The following CNTN5 variants were observed in gnomAD, a reference collection of about 807,000 sequenced individuals.
The protein encoded by CNTN5 is contactin-5.
A neutral mutation model predicts 129.1 loss-of-function variants in CNTN5; 77 were observed. The observed-to-expected ratio is 0.60, with a 90% CI of 0.50 to 0.72. The LOEUF (loss-of-function observed/expected upper bound fraction) is 0.72, where lower values mean the gene tolerates loss of function less well. Ranked by LOEUF, CNTN5 falls within the 30% of genes least tolerant of loss-of-function variation. The pLI, the probability that CNTN5 is intolerant of heterozygous loss-of-function variation, is 0.00. For synonymous variants in CNTN5, 509 were observed against 465.6 expected (o/e 1.09, Z -1.20); for missense variants, 1,478 against 1,328.8 (o/e 1.11, Z -1.75).
intron 2 of CNTN5, among the ~76,000 whole-genome samples, chr11:99,492,437 T>C (rs1253821265): frequency 2.0e-5 from 3 of 152,222 alleles, no homozygotes; most frequent in African/African-American, 7.2e-5. Context: ...CAGCATTCTT[T>C]TTTCTTTGTA....
chr11:99,832,183 T>TA (rs903859466), intron 4 of CNTN5, among the ~76,000 whole-genome samples: 17 of 151,324 alleles, frequency 1.1e-4, no homozygotes, highest in East Asian at 3.9e-4. Flanking sequence ...TTCCATAGTC[T>TA]AAAAAAAAAT....
At chr11:99,122,602 T>C (rs1858401303) in intron 1 of CNTN5, among the ~76,000 whole-genome samples, 1 of 152,122 alleles carries the variant, frequency 6.6e-6, no homozygotes, top group Non-Finnish European at 1.5e-5. Flanking sequence ...ATAAGTAAAC[T>C]ACCTGTCACT....
intron 3 of CNTN5, among the ~76,000 whole-genome samples, chr11:99,617,924 A>T (rs1379365931): frequency 1.3e-5 from 2 of 152,286 alleles, no homozygotes; most frequent in South Asian, 2.1e-4. Flanking sequence ...TAGAGAACAT[A>T]TTACTCAACA....
At chr11:99,940,098 G>C (rs1370205627) in intron 7 of CNTN5, among the ~76,000 whole-genome samples, 1 of 152,068 alleles carries the variant, frequency 6.6e-6, no homozygotes, top group Admixed American at 6.6e-5. Flanking sequence ...GGAGCAGCAG[G>C]ATGCTATCAG....
intron 13 of CNTN5, among the ~76,000 whole-genome samples, chr11:100,174,890 T>C (rs1947916865): frequency 6.6e-6 from 1 of 152,142 alleles, no homozygotes; most frequent in African/African-American, 2.4e-5. Flanking sequence ...CCAAGTGCTG[T>C]CATCCTTGTC....
At chr11:100,086,459 AATAAAT>A (rs1216054449) in intron 13 of CNTN5, among the ~76,000 whole-genome samples, 2 of 150,500 alleles carry the variant, frequency 1.3e-5, no homozygotes, top group African/African-American at 2.4e-5. Flanking sequence ...TAGTTAAAAA[AATAAAT>A]ATAATGAAAA....
chr11:99,910,239 C>T (rs1357685606), intron 6 of CNTN5, among the ~76,000 whole-genome samples: 2 of 151,980 alleles, frequency 1.3e-5, no homozygotes, highest in African/African-American at 4.8e-5. Context: ...TGATCACAGA[C>T]CCACAAGTTT....
intron 1 of CNTN5, among the ~76,000 whole-genome samples, chr11:99,044,837 C>T (rs1168218975): frequency 2.0e-5 from 3 of 152,118 alleles, no homozygotes; most frequent in East Asian, 1.9e-4. Context: ...AAATTTTACA[C>T]GGTCTCTCTA....
intron 13 of CNTN5, among the ~76,000 whole-genome samples, chr11:100,170,667 C>T (rs1157483922): frequency 2.6e-5 from 4 of 151,874 alleles, no homozygotes; most frequent in Non-Finnish European, 5.9e-5. Context: ...TATATTCTTG[C>T]GTGTCATCCA....
intron 18 of CNTN5, among the ~76,000 whole-genome samples, chr11:100,280,205 T>G (rs1950605862): frequency 6.6e-6 from 1 of 151,968 alleles, no homozygotes. Flanking sequence ...TGGTCCACAT[T>G]GTAAATTAAA....
intron 1 of CNTN5, among the ~76,000 whole-genome samples, chr11:99,312,758 C>A (rs189946768): frequency 6.6e-6 from 1 of 150,744 alleles, no homozygotes; most frequent in African/African-American, 2.4e-5. Context: ...TATTATATTC[C>A]AAAAAATCCT....
intron 3 of CNTN5, among the ~76,000 whole-genome samples, chr11:99,614,993 A>G (rs1950716024): frequency 6.6e-6 from 1 of 150,588 alleles, no homozygotes; most frequent in Admixed American, 6.6e-5. Flanking sequence ...GGAGACAGAT[A>G]AATATAGAAG....
At chr11:99,908,941 A>G (rs1246135247) in intron 6 of CNTN5, among the ~76,000 whole-genome samples, 2 of 152,136 alleles carry the variant, frequency 1.3e-5, no homozygotes, top group Non-Finnish European at 2.9e-5. Context: ...GGCAAGCCAT[A>G]GCAAGAGATT....
chr11:99,107,230 T>A lies in CNTN5; in HGVS notation c.-210+85960T>A, dbSNP rs1416196568. On this transcript the variant is annotated intron_variant, in intron 1 of 24. Transcript: ENST00000524871. ...ATGTTACAACCTTGTTTAACAGAAC[T>A]GACATTGGCACAGAAAAATAGTGGA... Among the ~76,000 whole-genome samples, 5 of 152,296 alleles carry A rather than the reference T, an allele frequency of 3.3e-5. No individual in the cohort carries two copies. In the East Asian group the frequency reaches 5.8e-4, roughly 18 times the overall value.
intron 3 of CNTN5, among the ~76,000 whole-genome samples, chr11:99,797,785 C>A (rs533434790): frequency 6.6e-6 from 1 of 151,968 alleles, no homozygotes; most frequent in South Asian, 2.1e-4. Flanking sequence ...AATTAGGTCC[C>A]ACTTGTCAAT....
At chr11:99,852,754 AAGTC>A (rs1388772866) in intron 6 of CNTN5, among the ~76,000 whole-genome samples, 1 of 152,162 alleles carries the variant, frequency 6.6e-6, no homozygotes, top group East Asian at 1.9e-4. Context: ...GGAATTCACA[AAGTC>A]AGTTCTTCAT....
intron 1 of CNTN5, among the ~76,000 whole-genome samples, chr11:99,236,479 C>A (rs1352685740): frequency 2.8e-5 from 4 of 141,706 alleles, no homozygotes; most frequent in African/African-American, 1.0e-4. Flanking sequence ...AACACACACA[C>A]ACACACACAC....
At chr11:99,828,995 G>A (rs1456879449) in intron 4 of CNTN5, among the ~76,000 whole-genome samples, 1 of 152,028 alleles carries the variant, frequency 6.6e-6, no homozygotes, top group African/African-American at 2.4e-5. Flanking sequence ...ATAGTAGTTA[G>A]ATCATTTTAG....
chr11:100,212,406 C>T (rs1452571446), intron 15 of CNTN5, among the ~76,000 whole-genome samples: 2 of 152,112 alleles, frequency 1.3e-5, no homozygotes, highest in African/African-American at 4.8e-5. Flanking sequence ...TGTATATCAA[C>T]AATTTCCTTT....
Sources: allele counts gnomAD v4.1 joint callset (sites outside exome capture counted in the v4.1 genomes callset), GRCh38; gene constraint gnomAD v4.1.1; transcripts MANE v1.5; gene names NCBI Gene and HGNC (gene_info 2026-07-23, HGNC 2026-07-21).